Variants in PPP2R2B observed in about 807,000 individuals in gnomAD.
The protein encoded by PPP2R2B is protein phosphatase 2 regulatory subunit Bbeta, also known as serine/threonine-protein phosphatase 2A 55 kDa regulatory subunit B beta isoform.
PPP2R2B carries 5 observed loss-of-function variants against 46.0 expected under a neutral mutation model. The ratio of observed to expected loss-of-function variants is 0.11; its 90% CI spans 0.06 to 0.23. The LOEUF is 0.23. Ranked by LOEUF, PPP2R2B falls within the 10% of genes least tolerant of loss-of-function variation. The probability of loss-of-function intolerance (pLI) is 1.00; values close to 1 mark genes in which losing one functional copy is unlikely to be tolerated. For synonymous variants in PPP2R2B, 215 were observed against 206.7 expected (o/e 1.04, Z -0.34); for missense variants, 367 against 575.0 (o/e 0.64, Z 3.70).
At chr5:146,979,558 A>AACACACACAC (rs34864782) in intron 1 of PPP2R2B, among the ~76,000 whole-genome samples, 57 of 137,354 alleles carry the variant, frequency 4.1e-4, no homozygotes, top group African/African-American at 1.4e-3. Context: ...CCCACCTTGA[A>AACACACACAC]ACACACACAC....
At chr5:147,055,780 A>G in exon 1 of PPP2R2B, 1 of 1,567,704 alleles carries the variant, frequency 6.4e-7, no homozygotes, top group Non-Finnish European at 8.6e-7. Context: ...ATAAAAAAAC[A>G]GTCTCCTGAA....
chr5:146,893,778 T>C (rs319180), intron 1 of PPP2R2B, among the ~76,000 whole-genome samples: 71,804 of 151,566 alleles, frequency 0.47, 18,396 homozygotes, highest in East Asian at 0.71. Flanking sequence ...GGCTTAAAAC[T>C]TAGAAGACAG....
At chr5:146,930,981 C>T (rs764689735) in intron 1 of PPP2R2B, among the ~76,000 whole-genome samples, 13 of 152,142 alleles carry the variant, frequency 8.5e-5, no homozygotes, top group Non-Finnish European at 1.6e-4. Flanking sequence ...GATCCCCTCA[C>T]GTGTCCAGTG....
Position 146,878,015 on chromosome 5 carries a change from G to T in PPP2R2B, c.57C>A (p.Ser19Arg). 6.2e-7 allele frequency: 1 copy of T among 1,613,896 alleles called. No individual in the cohort carries two copies. The highest frequency in any genetic ancestry group is 8.5e-7 in the Non-Finnish European group (1 of 1,179,880). ...GGCTGGCGTTACCTTCGGTCGCATAGCTGTGGTCGCGCAGGAAACTGTTGT... is the reference window on the plus strand; with the variant it reads ...GGCTGGCGTTACCTTCGGTCGCATATCTGTGGTCGCGCAGGAAACTGTTGT... ...KINNSFLRDH[S>R]YATEADIIST... Residue 19 changes from serine (S) to arginine (R), a missense_variant, in exon 2 of 10, where the codon AGC becomes AGA. Coordinates refer to ENST00000394411, the MANE Select transcript of PPP2R2B (RefSeq NM_181675.4). The surrounding 1 kb of genome is among the most constrained non-coding windows in gnomAD (Gnocchi z 4.5).
At chr5:146,742,307 G>A (rs1262970959) in intron 2 of PPP2R2B, among the ~76,000 whole-genome samples, 1 of 152,094 alleles carries the variant, frequency 6.6e-6, no homozygotes, top group Non-Finnish European at 1.5e-5. Context: ...CCTCCTTACT[G>A]TATGAAAGGA....
rs114432261 is a variant in PPP2R2B at position 146,599,629 on chromosome 5, C to A, written c.960+662G>T. 8.3e-3 allele frequency among the ~76,000 whole-genome samples: 1,259 copies of A among 152,282 alleles called. 23 individuals carry two copies. Among genetic ancestry groups the A allele is most frequent in the African/African-American group, 0.029 (1,191 of 41,550 alleles). On this transcript the variant is annotated intron_variant, in intron 8 of 9. Transcript: ENST00000394411. The stretch of plus-strand genomic sequence containing the variant: ...CCTGAACACACCTCATTTCTCTTGA[C>A]ACCAGGCCTTTGAACACACTGTGTT...
At chr5:146,645,772 T>C (rs1252880447) in intron 6 of PPP2R2B, among the ~76,000 whole-genome samples, 1 of 152,196 alleles carries the variant, frequency 6.6e-6, no homozygotes, top group Non-Finnish European at 1.5e-5. Context: ...AGATAAGTCC[T>C]CTATCTCATA....
chr5:146,959,885 A>G (rs1338955812), intron 1 of PPP2R2B, among the ~76,000 whole-genome samples: 1 of 152,170 alleles, frequency 6.6e-6, no homozygotes, highest in African/African-American at 2.4e-5. Flanking sequence ...GAGTAGGGAG[A>G]CGACAATGAC....
At position 146,643,114 on chromosome 5, in the gene PPP2R2B, G is replaced by A. The variant is rs571045147; in HGVS notation, c.626-4699C>T. Among the ~76,000 whole-genome samples the A allele has an allele frequency of 5.3e-5, 8 of 152,168 alleles. No individual in the cohort carries two copies. The East Asian group carries it at 1.5e-3, about 29-fold the overall frequency. On this transcript the variant is annotated intron_variant, in intron 6 of 9. Transcript: ENST00000394411. The stretch of plus-strand genomic sequence containing the variant: ...ATACTTATGATGTGTACTATTTTGG[G>A]TAAGGAAAGTTAGGTACAAAGTATA...
At chr5:146,648,059 C>T (rs777345646) in intron 6 of PPP2R2B, among the ~76,000 whole-genome samples, 1 of 152,170 alleles carries the variant, frequency 6.6e-6, no homozygotes, top group Non-Finnish European at 1.5e-5. Context: ...AGCTGTGTAC[C>T]AAAACCGGGT....
At chr5:146,708,133 A>C (rs1385471918) in intron 2 of PPP2R2B, among the ~76,000 whole-genome samples, 1 of 152,114 alleles carries the variant, frequency 6.6e-6, no homozygotes, top group Non-Finnish European at 1.5e-5. Context: ...AGGCAGGTGG[A>C]TCCCTTGAGC....
chr5:146,856,394 ATTAAC>A (rs1760667558), intron 2 of PPP2R2B: 1 of 826,760 alleles, frequency 1.2e-6, no homozygotes, highest in Admixed American at 2.4e-5. Flanking sequence ...AAAAATGTAA[ATTAAC>A]TTGTGTCCCA....
chr5:146,775,958 A>G (rs1174403496), intron 2 of PPP2R2B, among the ~76,000 whole-genome samples: 1 of 152,130 alleles, frequency 6.6e-6, no homozygotes, highest in Non-Finnish European at 1.5e-5. Context: ...ACTACAAAAC[A>G]TTGCTTAAAG....
intron 7 of PPP2R2B, among the ~76,000 whole-genome samples, chr5:146,617,446 TGTGA>T (rs1773275988): frequency 6.6e-6 from 1 of 152,182 alleles, no homozygotes; most frequent in African/African-American, 2.4e-5. Flanking sequence ...TCATTGCATG[TGTGA>T]ATCAAAATAT....
chr5:146,916,946 T>G (rs1054502845), intron 1 of PPP2R2B, among the ~76,000 whole-genome samples: 2 of 152,198 alleles, frequency 1.3e-5, no homozygotes, highest in Admixed American at 6.5e-5. Context: ...TAAAAATTAC[T>G]TATACAAATA....
At chr5:146,779,849 A>G (rs775155459) in intron 2 of PPP2R2B, among the ~76,000 whole-genome samples, 11 of 152,302 alleles carry the variant, frequency 7.2e-5, no homozygotes, top group Non-Finnish European at 1.6e-4. Context: ...CCTGTAATAC[A>G]TAGTATAATT....
chr5:146,947,897 C>T (rs2151833419), intron 1 of PPP2R2B, among the ~76,000 whole-genome samples: 1 of 151,430 alleles, frequency 6.6e-6, no homozygotes, highest in African/African-American at 2.4e-5. Flanking sequence ...AAGGCGAAAT[C>T]CCACTAATCA....
intron 6 of PPP2R2B, among the ~76,000 whole-genome samples, chr5:146,641,517 T>C (rs1216746468): frequency 6.6e-6 from 1 of 150,718 alleles, no homozygotes; most frequent in Non-Finnish European, 1.5e-5. Flanking sequence ...TTTTTTTTTT[T>C]TTTTTTTTTT....
At chr5:146,728,397 G>A (rs1752015032) in intron 2 of PPP2R2B, among the ~76,000 whole-genome samples, 1 of 152,006 alleles carries the variant, frequency 6.6e-6, no homozygotes. Flanking sequence ...ACATTGAATA[G>A]GTGTGTTTAT....
Sources: allele counts gnomAD v4.1 joint callset (sites outside exome capture counted in the v4.1 genomes callset), GRCh38; gene constraint gnomAD v4.1.1; non-coding constraint Gnocchi (gnomAD v3.1); transcripts MANE v1.5; gene names NCBI Gene and HGNC (gene_info 2026-07-23, HGNC 2026-07-21).